Variants in MYO10 observed in about 807,000 individuals in gnomAD.
The protein encoded by MYO10 is unconventional myosin-X.
A neutral mutation model predicts 257.3 loss-of-function variants in MYO10; 133 were observed. That is an observed-to-expected ratio of 0.52 (90% CI 0.45 to 0.60). The LOEUF is 0.60. MYO10 is among the 20% of genes least tolerant of loss of function. MYO10 has a pLI of 0.00. For missense variants in MYO10, 2,399 were observed against 2,635.7 expected, an observed-to-expected ratio of 0.91 and a Z score of 1.97; for synonymous variants, 1,104 against 1,028.6, an observed-to-expected ratio of 1.07 and a Z score of -1.40.
chr5:16,893,196 C>CA (rs59761183), intron 1 of MYO10, among the ~76,000 whole-genome samples: 22,671 of 69,436 alleles, frequency 0.33, 4,389 homozygotes, highest in Middle Eastern at 0.41. Context: ...GACTCTGTCT[C>CA]AAAAAAAAAA....
chr5:16,832,561 A>G (rs751428632), intron 2 of MYO10, among the ~76,000 whole-genome samples: 8 of 152,122 alleles, frequency 5.3e-5, no homozygotes, highest in Non-Finnish European at 1.0e-4. Flanking sequence ...GGAACCCCCA[A>G]TTCTTGGCTG....
At chr5:16,739,530 C>G (rs1307737277) in intron 19 of MYO10, among the ~76,000 whole-genome samples, 1 of 152,076 alleles carries the variant, frequency 6.6e-6, no homozygotes, top group East Asian at 1.9e-4. Context: ...GGCAAATACA[C>G]TTTCAAGAAT....
intron 2 of MYO10, among the ~76,000 whole-genome samples, chr5:16,836,965 T>C (rs1027630661): frequency 2.0e-5 from 3 of 152,200 alleles, no homozygotes; most frequent in African/African-American, 7.2e-5. Flanking sequence ...AGATGATAGA[T>C]AGACATAATG....
At chr5:16,681,832 G>C (rs766025644) in intron 31 of MYO10, 39 bp downstream of exon 31, 7 of 1,592,682 alleles carry the variant, frequency 4.4e-6, no homozygotes, top group Non-Finnish European at 6.0e-6. Context: ...GGAAAGGGGA[G>C]TCTGTTAAGC....
At chr5:16,866,376 A>G (rs1744250700) in intron 2 of MYO10, among the ~76,000 whole-genome samples, 1 of 152,234 alleles carries the variant, frequency 6.6e-6, no homozygotes, top group South Asian at 2.1e-4. Flanking sequence ...GAAAAATCCT[A>G]TCTTTGAGCC....
rs755919362 is a variant in MYO10 at position 16,704,679 on chromosome 5, G to A, written c.2176C>T (p.Leu726Phe). The A allele has an allele frequency of 6.2e-7, 1 of 1,613,678 alleles. No individual in the cohort carries two copies. The highest frequency in any genetic ancestry group is 2.2e-5 in the East Asian group (1 of 44,862). Residue 726 changes from leucine (L) to phenylalanine (F), a missense_variant, in exon 22 of 41, where the codon CTT (leucine) becomes TTT (phenylalanine). Leu to Phe is a conservative substitution (Grantham distance 22, BLOSUM62 0). This residue lies in a region of MYO10 where 1,820 missense variants were observed against 1,939.4 expected (regional missense o/e 0.94). Transcript: ENST00000513610. ...EWQLGKTKVF[L>F]RESLEQKLEK... The stretch of plus-strand genomic sequence containing the variant: ...AGTTTCTGTTCCAAGGATTCTCGAA[G>A]AAAGACCTGCTCAGGACGGAGTCAC...
intron 35 of MYO10, 135 bp downstream of exon 35, chr5:16,674,718 A>C: frequency 9.8e-7 from 1 of 1,025,242 alleles, no homozygotes. Flanking sequence ...CAGGCAACCC[A>C]CAAGTCTGAC....
rs568045181 is a variant in MYO10, at chr5:16,880,144, C to T, written c.22-2437G>A. ...ACACTGAATTGAGATCGTGCCACTA[C>T]GCTCCAGCCTGGGTGACAGAGTAAA... is the stretch of plus-strand genomic sequence containing the variant. On this transcript the variant is annotated intron_variant, in intron 1 of 40. Coordinates refer to ENST00000513610, the MANE Select transcript of MYO10 (RefSeq NM_012334.3). Among the ~76,000 whole-genome samples, 382 of 152,222 alleles carry T rather than the reference C, an allele frequency of 2.5e-3. 1 individual carries two copies. Among genetic ancestry groups the T allele is most frequent in the Non-Finnish European group, 4.2e-3 (284 of 68,022 alleles).
At chr5:16,737,185 G>GT (rs1739838341) in intron 19 of MYO10, among the ~76,000 whole-genome samples, 1 of 152,202 alleles carries the variant, frequency 6.6e-6, no homozygotes, top group African/African-American at 2.4e-5. Context: ...AAATGTTACT[G>GT]TATCTTTAAT....
intron 2 of MYO10, among the ~76,000 whole-genome samples, chr5:16,826,827 T>C (rs572579792): frequency 6.6e-6 from 1 of 152,326 alleles, no homozygotes; most frequent in African/African-American, 2.4e-5. Context: ...AAAGTAGTGA[T>C]CAATAACAAA....
At chr5:16,912,253 T>C (rs1745678800) in intron 1 of MYO10, among the ~76,000 whole-genome samples, 1 of 152,174 alleles carries the variant, frequency 6.6e-6, no homozygotes, top group African/African-American at 2.4e-5. Context: ...TTTATGTTAC[T>C]TGTCAACATT....
At chr5:16,777,160 T>C (rs1275155212) in intron 9 of MYO10, among the ~76,000 whole-genome samples, 1 of 152,150 alleles carries the variant, frequency 6.6e-6, no homozygotes, top group Non-Finnish European at 1.5e-5. Flanking sequence ...AAACACTGCA[T>C]AAAACCCAAC....
chr5:16,723,103 G>T (rs1044425293), intron 19 of MYO10, among the ~76,000 whole-genome samples: 40 of 152,280 alleles, frequency 2.6e-4, no homozygotes, highest in African/African-American at 8.9e-4. Context: ...CAGGCCAGGC[G>T]TGGTGGCTCA....
chr5:16,710,460 CAGA>C (rs1738546532), intron 21 of MYO10, among the ~76,000 whole-genome samples: 1 of 152,128 alleles, frequency 6.6e-6, no homozygotes, highest in Non-Finnish European at 1.5e-5. Flanking sequence ...TTTTGACAAC[CAGA>C]AGGATTTCAG....
At chr5:16,871,732 C>T (rs749267839) in intron 2 of MYO10, among the ~76,000 whole-genome samples, 2 of 152,192 alleles carry the variant, frequency 1.3e-5, no homozygotes, top group South Asian at 2.1e-4. Flanking sequence ...GAACTTGTAA[C>T]GTAAAGAGGG....
chr5:16,821,246 T>A (rs1742799452), intron 2 of MYO10, among the ~76,000 whole-genome samples: 1 of 149,332 alleles, frequency 6.7e-6, no homozygotes, highest in African/African-American at 2.4e-5. Flanking sequence ...ATGAAATGTG[T>A]ACATCCTATG....
intron 2 of MYO10, among the ~76,000 whole-genome samples, chr5:16,848,946 G>T (rs1324732569): frequency 6.6e-6 from 1 of 152,114 alleles, no homozygotes; most frequent in Non-Finnish European, 1.5e-5. Flanking sequence ...CAAATATTAT[G>T]TATTTGAATT....
At chr5:16,730,216 T>C (rs1283063565) in intron 19 of MYO10, among the ~76,000 whole-genome samples, 2 of 152,252 alleles carry the variant, frequency 1.3e-5, no homozygotes, top group Non-Finnish European at 2.9e-5. Context: ...ATCCAAGTCC[T>C]GACCCTGTGG....
In MYO10 at chr5:16,775,459, TACTC is replaced by T. The variant is rs1362062633; in HGVS notation, c.930+4082_930+4085del. Among the ~76,000 whole-genome samples, 3 of 152,166 alleles carry T rather than the reference TACTC, an allele frequency of 2.0e-5. 1 individual carries two copies. Among genetic ancestry groups the T allele is most frequent in the African/African-American group, 7.2e-5 (3 of 41,440 alleles). On this transcript the variant is annotated intron_variant, in intron 9 of 40. Transcript: ENST00000513610. Reference sequence around the variant, plus strand: ...GTTTTTTGTTTTTGAGACAGGGTCTTACTCTGTCATCCAGGCTGCAGTGCAATGG... The same window carrying T: ...GTTTTTTGTTTTTGAGACAGGGTCTTTGTCATCCAGGCTGCAGTGCAATGG...
Sources: allele counts gnomAD v4.1 joint callset (sites outside exome capture counted in the v4.1 genomes callset), GRCh38; gene constraint gnomAD v4.1.1; regional missense constraint gnomAD v4.1.1; transcripts MANE v1.5; gene names NCBI Gene and HGNC (gene_info 2026-07-23, HGNC 2026-07-21).